COMMD10: variants seen among roughly 807,000 people sequenced by gnomAD.
The protein encoded by COMMD10 is COMM domain containing 10, also known as COMM domain-containing protein 10.
A neutral mutation model predicts 28.9 loss-of-function variants in COMMD10; 33 were observed. The observed-to-expected ratio is 1.14, with a 90% CI of 0.87 to 1.53. COMMD10 has a LOEUF of 1.53. Among genes scored for constraint, COMMD10 ranks in the 40% most tolerant of loss-of-function variants. The probability of loss-of-function intolerance (pLI) is 0.00; values close to 1 mark genes in which losing one functional copy is unlikely to be tolerated. For missense variants in COMMD10, 310 were observed against 233.4 expected (o/e 1.33, Z -2.14); for synonymous variants, 110 against 81.7 (o/e 1.35, Z -1.87).
intron 5 of COMMD10, among the ~76,000 whole-genome samples, chr5:116,165,728 C>G (rs573534403): frequency 1.3e-5 from 2 of 152,114 alleles, no homozygotes; most frequent in Admixed American, 6.5e-5. Context: ...ATTTTCTAAT[C>G]TAGTCTTCAG....
intron 5 of COMMD10, among the ~76,000 whole-genome samples, chr5:116,193,608 C>A (rs937720333): frequency 3.3e-5 from 5 of 152,042 alleles, no homozygotes; most frequent in Admixed American, 6.5e-5. Context: ...AGGCCTTGTC[C>A]AACAGGAAAA....
intron 1 of COMMD10, chr5:116,085,654 C>A (rs115906530): frequency 6.6e-6 from 1 of 152,330 alleles, no homozygotes; most frequent in East Asian, 1.9e-4. Context: ...TAGTTAATTT[C>A]TACTTATGGT....
intron 5 of COMMD10, among the ~76,000 whole-genome samples, chr5:116,186,381 C>G (rs1748139682): frequency 6.6e-6 from 1 of 151,942 alleles, no homozygotes. Flanking sequence ...CACAATTCTA[C>G]CTCTCCTTTC....
intron 4 of COMMD10, among the ~76,000 whole-genome samples, chr5:116,112,453 G>T (rs11241359): frequency 0.51 from 77,926 of 151,654 alleles, 22,293 homozygotes; most frequent in Non-Finnish European, 0.65. Context: ...CTGGAGTGCA[G>T]TGGCGGGATC....
chr5:116,119,628 G>A (rs1751356829), intron 4 of COMMD10, among the ~76,000 whole-genome samples: 1 of 151,864 alleles, frequency 6.6e-6, no homozygotes, highest in South Asian at 2.1e-4. Context: ...CCAGAGACAG[G>A]GTTTTGCTCA....
intron 5 of COMMD10, among the ~76,000 whole-genome samples, chr5:116,155,487 A>G (rs1752677971): frequency 6.6e-6 from 1 of 152,082 alleles, no homozygotes; most frequent in African/African-American, 2.4e-5. Context: ...TCTTAAATAT[A>G]TATTCTATAT....
At chr5:116,253,813 A>G (rs2112676941) in intron 5 of COMMD10, among the ~76,000 whole-genome samples, 1 of 147,906 alleles carries the variant, frequency 6.8e-6, no homozygotes, top group African/African-American at 2.6e-5. Flanking sequence ...TGGCCTCATA[A>G]AATGAGTTAG....
chr5:116,239,476 G>A (rs1297422843), intron 5 of COMMD10, among the ~76,000 whole-genome samples: 6 of 152,022 alleles, frequency 3.9e-5, no homozygotes, highest in Non-Finnish European at 7.4e-5. Flanking sequence ...AGCTCACATG[G>A]GCCTTATATG....
intron 5 of COMMD10, among the ~76,000 whole-genome samples, chr5:116,194,027 T>C (rs552344106): frequency 2.3e-4 from 35 of 152,202 alleles, no homozygotes; most frequent in African/African-American, 7.5e-4. Flanking sequence ...TTCAAAACCA[T>C]GCAAATACAT....
intron 5 of COMMD10, among the ~76,000 whole-genome samples, chr5:116,206,331 A>T (rs1289597944): frequency 1.3e-5 from 2 of 152,094 alleles, no homozygotes; most frequent in African/African-American, 2.4e-5. Flanking sequence ...TTTATCATTG[A>T]TTTCTAGCAC....
intron 5 of COMMD10, among the ~76,000 whole-genome samples, chr5:116,255,205 A>G (rs253967): frequency 0.098 from 14,894 of 151,518 alleles, 964 homozygotes; most frequent in East Asian, 0.25. Context: ...TGCCCGTGAG[A>G]TGGGTTTCCT....
chr5:116,085,184 G>C, intron 1 of COMMD10, 91 bp downstream of exon 1: 2 of 1,197,284 alleles, frequency 1.7e-6, no homozygotes, highest in South Asian at 2.7e-5. Context: ...TGCCGCCTGG[G>C]CGCCGCGGCG....
intron 5 of COMMD10, among the ~76,000 whole-genome samples, chr5:116,157,211 A>G (rs1752745941): frequency 6.6e-6 from 1 of 152,216 alleles, no homozygotes; most frequent in South Asian, 2.1e-4. Flanking sequence ...TCCAAAACCA[A>G]TACTACATAT....
At chr5:116,149,146 A>G (rs957973501) in intron 5 of COMMD10, among the ~76,000 whole-genome samples, 9 of 146,954 alleles carry the variant, frequency 6.1e-5, no homozygotes, top group African/African-American at 2.1e-4. Flanking sequence ...GAGAATGATG[A>G]TATCCAATTT....
chr5:116,247,172 A>T (rs1749975481), intron 5 of COMMD10, among the ~76,000 whole-genome samples: 4 of 152,106 alleles, frequency 2.6e-5, no homozygotes. Context: ...ATATAAACAG[A>T]TACTTTTCAA....
At chr5:116,207,158 G>A (rs1748834747) in intron 5 of COMMD10, among the ~76,000 whole-genome samples, 3 of 152,130 alleles carry the variant, frequency 2.0e-5, no homozygotes, top group Admixed American at 6.5e-5. Context: ...GTCAGTATGT[G>A]TGTTATATTC....
intron 5 of COMMD10, among the ~76,000 whole-genome samples, chr5:116,186,984 G>A (rs2112605204): frequency 6.6e-6 from 1 of 152,108 alleles, no homozygotes; most frequent in South Asian, 2.1e-4. Flanking sequence ...TCAAATACTA[G>A]GAAGCTGAGT....
intron 4 of COMMD10, among the ~76,000 whole-genome samples, chr5:116,093,497 G>T (rs912577639): frequency 1.3e-5 from 2 of 152,080 alleles, no homozygotes; most frequent in East Asian, 1.9e-4. Flanking sequence ...AATCCTAACT[G>T]TGGGAGAGTT....
chr5:116,167,084 G>C (rs1031437765), intron 5 of COMMD10, among the ~76,000 whole-genome samples: 1 of 151,834 alleles, frequency 6.6e-6, no homozygotes, highest in Admixed American at 6.6e-5. Context: ...ATCCAATGCA[G>C]GGAAGCTAAG....
Sources: allele counts gnomAD v4.1 joint callset (sites outside exome capture counted in the v4.1 genomes callset), GRCh38; gene constraint gnomAD v4.1.1; transcripts MANE v1.5; gene names NCBI Gene and HGNC (gene_info 2026-07-23, HGNC 2026-07-21).